The following TEAD1 variants were observed in gnomAD, a reference collection of about 807,000 sequenced individuals.
The protein encoded by TEAD1 is transcriptional enhancer factor TEF-1.
A neutral mutation model predicts 54.9 loss-of-function variants in TEAD1; 9 were observed. The observed-to-expected ratio is 0.16, with a 90% CI of 0.10 to 0.29. The LOEUF is 0.29. TEAD1 is among the 10% of genes least tolerant of loss of function. The pLI, the probability that TEAD1 is intolerant of heterozygous loss-of-function variation, is 1.00. For missense variants in TEAD1, 387 were observed against 535.9 expected, an observed-to-expected ratio of 0.72 and a Z score of 2.74; for synonymous variants, 200 against 187.8, an observed-to-expected ratio of 1.07 and a Z score of -0.53.
chr11:12,719,454 G>A (rs185503919), intron 2 of TEAD1, among the ~76,000 whole-genome samples: 20 of 152,100 alleles, frequency 1.3e-4, no homozygotes, highest in African/African-American at 4.6e-4. Flanking sequence ...AGGCAGCTCA[G>A]CCACAGTCCC....
chr11:12,846,960 G>C (rs1354915516), intron 3 of TEAD1, among the ~76,000 whole-genome samples: 1 of 152,142 alleles, frequency 6.6e-6, no homozygotes, highest in Non-Finnish European at 1.5e-5. Context: ...CTTAAGAAGA[G>C]GAAAGATTCA....
intron 3 of TEAD1, among the ~76,000 whole-genome samples, chr11:12,765,793 G>A (rs1029887474): frequency 6.6e-6 from 1 of 152,202 alleles, no homozygotes; most frequent in East Asian, 1.9e-4. Context: ...AGCCAGGGAA[G>A]CCTCTTCGTA....
intron 3 of TEAD1, among the ~76,000 whole-genome samples, chr11:12,851,271 A>G (rs1947268472): frequency 6.6e-6 from 1 of 152,200 alleles, no homozygotes; most frequent in South Asian, 2.1e-4. Context: ...TGTAGGTCAA[A>G]AGATACAAAG....
intron 3 of TEAD1, among the ~76,000 whole-genome samples, chr11:12,800,406 C>G (rs1226835248): frequency 1.3e-5 from 2 of 152,156 alleles, no homozygotes; most frequent in Non-Finnish European, 2.9e-5. Flanking sequence ...GGTAGGTGCT[C>G]TGGAGAGAAA....
At chr11:12,869,059 A>T (rs750751281) in intron 5 of TEAD1, among the ~76,000 whole-genome samples, 45 of 152,204 alleles carry the variant, frequency 3.0e-4, no homozygotes, top group Non-Finnish European at 5.9e-4. Context: ...GAAGAGCATC[A>T]TGTAATTGGG....
intron 9 of TEAD1, among the ~76,000 whole-genome samples, chr11:12,889,778 G>A (rs1272182455): frequency 6.6e-6 from 1 of 152,092 alleles, no homozygotes; most frequent in Non-Finnish European, 1.5e-5. Flanking sequence ...CTGGAATGTA[G>A]TGGCACAATC....
intron 3 of TEAD1, among the ~76,000 whole-genome samples, chr11:12,857,578 C>CTGTGTG (rs10694132): frequency 0.063 from 9,163 of 145,754 alleles, 478 homozygotes; most frequent in East Asian, 0.28. Context: ...CTCTCTGTCT[C>CTGTGTG]TGTGTGTGTG....
At chr11:12,810,453 C>T (rs1946277654) in intron 3 of TEAD1, among the ~76,000 whole-genome samples, 1 of 152,172 alleles carries the variant, frequency 6.6e-6, no homozygotes, top group Non-Finnish European at 1.5e-5. Flanking sequence ...TTTTCTTAAA[C>T]TAGGGGTGTG....
intron 3 of TEAD1, among the ~76,000 whole-genome samples, chr11:12,807,614 C>G (rs1226995504): frequency 6.6e-6 from 1 of 152,162 alleles, no homozygotes; most frequent in African/African-American, 2.4e-5. Flanking sequence ...TCAATAAATG[C>G]AAACTATTAA....
chr11:12,923,305 G>C (rs1474829704), intron 10 of TEAD1, among the ~76,000 whole-genome samples: 3 of 152,006 alleles, frequency 2.0e-5, no homozygotes, highest in Non-Finnish European at 4.4e-5. Flanking sequence ...CTCTCTTATG[G>C]AATGCTTCTC....
At chr11:12,843,973 T>G (rs1394213662) in intron 3 of TEAD1, among the ~76,000 whole-genome samples, 1 of 152,196 alleles carries the variant, frequency 6.6e-6, no homozygotes, top group Non-Finnish European at 1.5e-5. Flanking sequence ...TAAATTACCT[T>G]GTTGCTTAAA....
intron 11 of TEAD1, among the ~76,000 whole-genome samples, chr11:12,928,508 G>T (rs763862818): frequency 6.6e-6 from 1 of 151,890 alleles, no homozygotes; most frequent in Non-Finnish European, 1.5e-5. Flanking sequence ...GGGCTCAAGC[G>T]ATCTGCCTAC....
chr11:12,675,154 C>T (rs998987171), intron 1 of TEAD1, among the ~76,000 whole-genome samples: 15 of 150,158 alleles, frequency 1.0e-4, no homozygotes, highest in Non-Finnish European at 1.6e-4. Flanking sequence ...CCTGCACGCG[C>T]ACACACGCAC....
chr11:12,777,092 C>G (rs1187619786), intron 3 of TEAD1, among the ~76,000 whole-genome samples: 1 of 151,748 alleles, frequency 6.6e-6, no homozygotes, highest in Non-Finnish European at 1.5e-5. Context: ...CGCACCCAGC[C>G]TTATTTTTTT....
intron 3 of TEAD1, among the ~76,000 whole-genome samples, chr11:12,825,453 C>T (rs1946633246): frequency 6.6e-6 from 1 of 152,160 alleles, no homozygotes; most frequent in Non-Finnish European, 1.5e-5. Context: ...ACCAAGCAAT[C>T]TGAAACCCAC....
At chr11:12,911,130 A>G (rs1004163062) in intron 10 of TEAD1, among the ~76,000 whole-genome samples, 20 of 152,250 alleles carry the variant, frequency 1.3e-4, no homozygotes, top group African/African-American at 3.6e-4. Flanking sequence ...AGAAGATTTT[A>G]TAAAACAAAA....
intron 3 of TEAD1, among the ~76,000 whole-genome samples, chr11:12,790,615 A>G (rs1164452160): frequency 1.3e-5 from 2 of 152,232 alleles, no homozygotes; most frequent in Non-Finnish European, 2.9e-5. Flanking sequence ...AAAGAATCTC[A>G]GATGAATGGG....
At chr11:12,837,534 T>G (rs573767479) in intron 3 of TEAD1, among the ~76,000 whole-genome samples, 6 of 152,264 alleles carry the variant, frequency 3.9e-5, no homozygotes, top group African/African-American at 1.4e-4. Context: ...GCCCAAGAGA[T>G]CAAGGTATTA....
intron 2 of TEAD1, among the ~76,000 whole-genome samples, chr11:12,677,026 ACTTTG>A (rs1398959855): frequency 6.6e-6 from 1 of 152,166 alleles, no homozygotes; most frequent in African/African-American, 2.4e-5. Flanking sequence ...CCAGTATGAC[ACTTTG>A]CTTTGACAAT....
Sources: allele counts gnomAD v4.1 joint callset (sites outside exome capture counted in the v4.1 genomes callset), GRCh38; gene constraint gnomAD v4.1.1; transcripts MANE v1.5; gene names NCBI Gene and HGNC (gene_info 2026-07-23, HGNC 2026-07-21).